Variants in VBP1 observed in about 807,000 individuals in gnomAD.
VBP1 encodes the protein prefoldin subunit 3.
In VBP1, 4 loss-of-function variants were observed where a neutral mutation model predicts 15.5. The observed-to-expected ratio is 0.26, with a 90% CI of 0.13 to 0.59. The LOEUF is 0.59. Among genes scored for constraint, VBP1 ranks in the 20% least tolerant of loss-of-function variants. The pLI is 0.90. For synonymous variants in VBP1, 61 were observed against 52.1 expected (o/e 1.17, Z -0.74); for missense variants, 108 against 139.6 (o/e 0.77, Z 1.14).
intron 1 of VBP1, among the ~76,000 whole-genome samples, chrX:155,198,118 G>C (rs938601380): frequency 1.8e-5 from 2 of 112,817 alleles, no homozygotes; most frequent in Non-Finnish European, 1.9e-5. Flanking sequence ...AGCTCGAACT[G>C]GGTGGAGCCC....
chrX:155,206,196 C>T (rs1260306805), intron 1 of VBP1, among the ~76,000 whole-genome samples: 1 of 108,716 alleles, frequency 9.2e-6, no homozygotes, highest in East Asian at 2.9e-4. Context: ...ATAGGCTGGT[C>T]AGTGGGAACT....
chrX:155,223,841 C>T (rs1181793452), intron 2 of VBP1, among the ~76,000 whole-genome samples: 4 of 107,645 alleles, frequency 3.7e-5, no homozygotes, highest in African/African-American at 6.8e-5. Context: ...CCCCACCTGC[C>T]GGACGGGGCG....
chrX:155,217,601 T>C (rs1310265422), intron 1 of VBP1, among the ~76,000 whole-genome samples: 1 of 112,607 alleles, frequency 8.9e-6, no homozygotes, highest in African/African-American at 3.2e-5. Context: ...CATTTGCTGA[T>C]TGAATTTCGT....
At chrX:155,236,897 G>A (rs1310318508) in intron 5 of VBP1, among the ~76,000 whole-genome samples, 1 of 112,232 alleles carries the variant, frequency 8.9e-6, no homozygotes, top group Non-Finnish European at 1.9e-5. Context: ...TAAGACATAT[G>A]GGGCATGAAA....
intron 1 of VBP1, among the ~76,000 whole-genome samples, chrX:155,206,868 A>G (rs2074628250): frequency 9.0e-6 from 1 of 111,326 alleles, no homozygotes; most frequent in East Asian, 2.8e-4. Context: ...TACATCCTCT[A>G]TAATAATATA....
At chrX:155,214,291 G>C (rs1242074388), upstream of VBP1, among the ~76,000 whole-genome samples, 1 of 112,362 alleles carries the variant, frequency 8.9e-6, no homozygotes, top group Non-Finnish European at 1.9e-5. Flanking sequence ...TTCATCAATT[G>C]CAACTGTAGG....
chrX:155,212,985 T>C (rs782271451), upstream of VBP1: 1 of 112,280 alleles, frequency 8.9e-6, no homozygotes, highest in African/African-American at 3.2e-5. Flanking sequence ...GTGAGAACAC[T>C]ACCAGCACAC....
chrX:155,206,944 G>T (rs2074628456), intron 1 of VBP1, among the ~76,000 whole-genome samples: 1 of 111,176 alleles, frequency 9.0e-6, no homozygotes, highest in Non-Finnish European at 1.9e-5. Context: ...GTGCATGCAT[G>T]TTAGAACTAT....
intron 2 of VBP1, 147 bp downstream of exon 2, chrX:155,220,454 A>G: frequency 2.3e-6 from 1 of 444,331 alleles, no homozygotes; most frequent in Non-Finnish European, 3.5e-6. Flanking sequence ...CCCACCAGCA[A>G]CGTACAAGAG....
intron 1 of VBP1, 112 bp from the exon 2 acceptor site, chrX:155,220,071 C>G: frequency 5.3e-6 from 4 of 749,025 alleles, no homozygotes; most frequent in Non-Finnish European, 7.4e-6. Flanking sequence ...AAAAACAAAC[C>G]TTTGGAGAAA....
chrX:155,211,788 G>C (rs782475047), upstream of VBP1, among the ~76,000 whole-genome samples: 238 of 111,897 alleles, frequency 2.1e-3, no homozygotes, highest in Non-Finnish European at 3.6e-3. Context: ...CTATCTGAGG[G>C]ACCCTGCAGA....
At chrX:155,228,885 TC>T in intron 4 of VBP1, among the ~76,000 whole-genome samples, 1 of 112,575 alleles carries the variant, frequency 8.9e-6, no homozygotes, top group East Asian at 2.8e-4. Context: ...TCTAGAAAGA[TC>T]CCTCTCAATT....
chrX:155,208,540 G>A (rs1211208218), intron 1 of VBP1, among the ~76,000 whole-genome samples: 1 of 111,989 alleles, frequency 8.9e-6, no homozygotes, highest in Admixed American at 9.4e-5. Flanking sequence ...TTTCCTATGA[G>A]TATTATTGGC....
chrX:155,225,177 A>G (rs2074713460), intron 2 of VBP1, among the ~76,000 whole-genome samples: 1 of 111,516 alleles, frequency 9.0e-6, no homozygotes, highest in African/African-American at 3.3e-5. Flanking sequence ...AGATTCCCTC[A>G]GGGATATCAG....
At chrX:155,234,559 A>G (rs1298342690) in intron 4 of VBP1, among the ~76,000 whole-genome samples, 4 of 111,984 alleles carry the variant, frequency 3.6e-5, no homozygotes, top group African/African-American at 1.3e-4. Flanking sequence ...ACATTTTTGC[A>G]TATGTTCTTC....
At chrX:155,216,433 A>G (rs1357863313), upstream of VBP1, 1 of 1,155,058 alleles carries the variant, frequency 8.7e-7, no homozygotes, top group Non-Finnish European at 1.2e-6. Flanking sequence ...CAATCACGGA[A>G]TCCCGGCGGC....
chrX:155,230,188 C>T (rs1479034145), intron 4 of VBP1, among the ~76,000 whole-genome samples: 2 of 111,228 alleles, frequency 1.8e-5, no homozygotes, highest in South Asian at 3.8e-4. Context: ...CTTTGGTGTT[C>T]GCGGACAGTC....
In VBP1 at chrX:155,232,685, A is replaced by C. The variant is rs188456083; in HGVS notation, c.385-3544A>C. On this transcript the variant is annotated intron_variant, in intron 4 of 5. Transcript: ENST00000286428. ...GGGTGATACTAAGTGATGGTAGGACATGGAATAGTGAGAACACTGATTTAC... is the reference window on the plus strand; with the variant it reads ...GGGTGATACTAAGTGATGGTAGGACCTGGAATAGTGAGAACACTGATTTAC... Among the ~76,000 whole-genome samples, 558 of 112,481 alleles carry C rather than the reference A, an allele frequency of 5.0e-3. 6 individuals are homozygous for C. Among genetic ancestry groups the C allele is most frequent in the South Asian group, 0.045 (123 of 2,728 alleles).
At chrX:155,233,569 C>T (rs1394990340) in intron 4 of VBP1, among the ~76,000 whole-genome samples, 1 of 112,178 alleles carries the variant, frequency 8.9e-6, no homozygotes, top group East Asian at 2.8e-4. Context: ...TCACAGATTC[C>T]AGAGATTAGA....
Sources: allele counts gnomAD v4.1 joint callset (sites outside exome capture counted in the v4.1 genomes callset), GRCh38; gene constraint gnomAD v4.1.1; transcripts MANE v1.5; gene names NCBI Gene and HGNC (gene_info 2026-07-23, HGNC 2026-07-21).